The following SLC2A9 variants were observed in gnomAD, a reference collection of about 807,000 sequenced individuals.
The protein encoded by SLC2A9 is solute carrier family 2, facilitated glucose transporter member 9.
Under a neutral mutation model 50.6 loss-of-function variants are expected in SLC2A9, and 39 were observed. That is an observed-to-expected ratio of 0.77 (90% CI 0.60 to 1.01). SLC2A9 has a LOEUF of 1.01. Ranked by LOEUF, SLC2A9 falls within the 50% of genes least tolerant of loss-of-function variation. The pLI is 0.00. For missense variants in SLC2A9, 686 were observed against 677.6 expected, an observed-to-expected ratio of 1.01 and a Z score of -0.14; for synonymous variants, 324 against 276.9, an observed-to-expected ratio of 1.17 and a Z score of -1.69.
chr4:10,000,555 C>T (rs1759601022), intron 2 of SLC2A9, among the ~76,000 whole-genome samples: 1 of 152,182 alleles, frequency 6.6e-6, no homozygotes, highest in South Asian at 2.1e-4. Context: ...ATTTTGACCT[C>T]ATCCTAAGAC....
At position 9,879,197 on chromosome 4, in the gene SLC2A9, G is replaced by A. The variant is rs890668967; in HGVS notation, c.1291+8370C>T. The stretch of plus-strand genomic sequence containing the variant: ...GATACACTAGGAGTTAATCTAGGGG[G>A]CTGTGGGAGCCCAGAGGGGCGGGCT... On this transcript the variant is annotated intron_variant, in intron 10 of 11. Transcript: ENST00000264784. The A allele has an allele frequency of 1.4e-5, 14 of 985,204 alleles. No individual in the cohort carries two copies. In the Admixed American group the frequency reaches 7.4e-4, roughly 52 times the overall value. The allele number at this position is 985,204 out of a possible 1,614,324, so 61.0% of individuals were successfully genotyped here.
chr4:9,920,695 G>A (rs1743777750), intron 6 of SLC2A9, 123 bp from the exon 7 acceptor site: 1 of 1,140,036 alleles, frequency 8.8e-7, no homozygotes, highest in Admixed American at 1.9e-5. Context: ...GCGGAACTTG[G>A]CAGGGGCCTT....
chr4:9,925,999 G>A (rs1039885537), intron 6 of SLC2A9, among the ~76,000 whole-genome samples: 3 of 152,066 alleles, frequency 2.0e-5, no homozygotes, highest in Non-Finnish European at 2.9e-5. Context: ...GCCCACATAC[G>A]ACTGCAAGCA....
rs145116311 is a variant in SLC2A9, at chr4:9,964,304, T to C, written c.681+16288A>G. Among the ~76,000 whole-genome samples, 389 of 152,236 alleles carry C rather than the reference T, an allele frequency of 2.6e-3. 6 individuals are homozygous for C. Among genetic ancestry groups the C allele is most frequent in the African/African-American group, 9.1e-3 (380 of 41,542 alleles). On this transcript the variant is annotated intron_variant, in intron 5 of 11. Coordinates refer to ENST00000264784, the MANE Select transcript of SLC2A9 (RefSeq NM_020041.3). ...TCCCAGCTGGTGCCAGTTCTGCTGGTCCTGGGAACACGTTTTGAGAACTCT... is the reference window on the plus strand; with the variant it reads ...TCCCAGCTGGTGCCAGTTCTGCTGGCCCTGGGAACACGTTTTGAGAACTCT...
chr4:9,786,542 G>A (rs554243392), intron 3 of SLC2A9, among the ~76,000 whole-genome samples: 42 of 152,340 alleles, frequency 2.8e-4, no homozygotes, highest in African/African-American at 9.6e-4. Flanking sequence ...GCACAGCTTT[G>A]TGTTTGGAGG....
Position 9,920,507 on chromosome 4 carries a change from G to A in SLC2A9, c.880C>T (p.Arg294Cys), listed in dbSNP as rs529978493. 1.2e-5 allele frequency: 19 copies of A among 1,614,168 alleles called. No individual in the cohort carries two copies. Among genetic ancestry groups the A allele is most frequent in the Admixed American group, 1.7e-5 (1 of 60,030 alleles). The change falls in exon 7 of 12, where the codon CGC becomes TGC. Residue 294 changes from arginine (R) to cysteine (C), a missense_variant. By Grantham distance (180) the Arg-to-Cys change is radical. Transcript: ENST00000264784. ...ACCAGGCGGATGCTCCTCTGCACGCGGCTCTCAGCCAGGACCTCCTCTACC... is the reference window on the plus strand; with the variant it reads ...ACCAGGCGGATGCTCCTCTGCACGCAGCTCTCAGCCAGGACCTCCTCTACC... ...QEVEEVLAES[R>C]VQRSIRLVSV...
At chr4:9,880,778 C>T (rs1735067392) in intron 10 of SLC2A9, among the ~76,000 whole-genome samples, 1 of 152,166 alleles carries the variant, frequency 6.6e-6, no homozygotes, top group South Asian at 2.1e-4. Flanking sequence ...GCTTTCTTGC[C>T]CTCATGACCT....
chr4:9,843,400 A>G (rs1256297186), intron 10 of SLC2A9, among the ~76,000 whole-genome samples: 1 of 152,184 alleles, frequency 6.6e-6, no homozygotes, highest in Non-Finnish European at 1.5e-5. Context: ...ACTAGCATTA[A>G]GAACATGGGG....
chr4:10,023,654 C>T (rs1763657781), upstream of SLC2A9, among the ~76,000 whole-genome samples: 1 of 152,218 alleles, frequency 6.6e-6, no homozygotes, highest in South Asian at 2.1e-4. Context: ...GGTAGCTAAC[C>T]AGGGTTCCTG....
In SLC2A9 at chr4:9,965,797, A is replaced by C. The variant is rs78093985; in HGVS notation, c.681+14795T>G. Among the ~76,000 whole-genome samples the C allele has an allele frequency of 9.6e-3, 1,459 of 152,352 alleles. 28 individuals are homozygous for C. Among genetic ancestry groups the C allele is most frequent in the African/African-American group, 0.034 (1,402 of 41,582 alleles). Reference sequence around the variant, plus strand: ...AATTTATATAGTTGTATGCTAACAAATTTGAAAGTTTCGATGACATAAGTG... The same window carrying C: ...AATTTATATAGTTGTATGCTAACAACTTTGAAAGTTTCGATGACATAAGTG... On this transcript the variant is annotated intron_variant, in intron 5 of 11. Transcript: ENST00000264784.
chr4:9,809,309 T>C (rs1722541581), intron 3 of SLC2A9, among the ~76,000 whole-genome samples: 1 of 152,186 alleles, frequency 6.6e-6, no homozygotes, highest in South Asian at 2.1e-4. Context: ...CCAGCTGCGT[T>C]GGTTGCTTGG....
chr4:10,021,090 G>A (rs1284535148), intron 1 of SLC2A9, among the ~76,000 whole-genome samples, 190 bp downstream of exon 1: 2 of 152,334 alleles, frequency 1.3e-5, no homozygotes, highest in East Asian at 1.9e-4. Flanking sequence ...AGTCAGCTGG[G>A]GCTTGGAGAG....
chr4:9,829,806 CA>C, intron 11 of SLC2A9, among the ~76,000 whole-genome samples: 1 of 152,260 alleles, frequency 6.6e-6, no homozygotes, highest in Non-Finnish European at 1.5e-5. Flanking sequence ...ATCAAAACCA[CA>C]ATGAGATACC....
At chr4:9,959,014 C>T (rs949563127) in intron 5 of SLC2A9, among the ~76,000 whole-genome samples, 1 of 151,952 alleles carries the variant, frequency 6.6e-6, no homozygotes, top group Admixed American at 6.6e-5. Context: ...ATAGTCATAC[C>T]AATATAAATG....
intron 3 of SLC2A9, among the ~76,000 whole-genome samples, chr4:9,992,638 G>A (rs1416600014): frequency 1.3e-5 from 2 of 152,224 alleles, no homozygotes; most frequent in Non-Finnish European, 2.9e-5. Flanking sequence ...ACCTCCATGG[G>A]AGAGATTGCC....
At chr4:9,889,204 C>G (rs1450366897) in intron 9 of SLC2A9, among the ~76,000 whole-genome samples, 1 of 36,592 alleles carries the variant, frequency 2.7e-5, no homozygotes, top group East Asian at 3.5e-4. Context: ...ATGTCCAAGG[C>G]CTCCTGAGTC....
chr4:10,025,808 C>T (rs977335892), upstream of SLC2A9: 1 of 1,214,886 alleles, frequency 8.2e-7, no homozygotes, highest in Non-Finnish European at 1.2e-6. Context: ...CCCAGCTTCA[C>T]CTTAACAGCC....
downstream of SLC2A9, among the ~76,000 whole-genome samples, chr4:9,822,492 A>C (rs1488963459): frequency 1.3e-5 from 2 of 152,130 alleles, no homozygotes; most frequent in South Asian, 2.1e-4. Flanking sequence ...TTTTTCTACT[A>C]TTAATATGCC....
chr4:10,018,908 G>C lies in SLC2A9; in HGVS notation c.249+67C>G, dbSNP rs979287713. Reference sequence around the variant, plus strand: ...ACAGGAGGGGGCGCTGGAGCCCAGGGCCCTTGCGCACCCGAAGGTTTCCGC... The same window carrying C: ...ACAGGAGGGGGCGCTGGAGCCCAGGCCCCTTGCGCACCCGAAGGTTTCCGC... On this transcript the variant is annotated intron_variant, in intron 2 of 11. Transcript: ENST00000264784. The C allele has an allele frequency of 5.5e-6, 8 of 1,465,058 alleles. No individual in the cohort carries two copies. In the African/African-American group the frequency reaches 9.8e-5, roughly 18 times the overall value. 90.8% of individuals were successfully genotyped at this position (1,465,058 alleles called of 1,614,324 possible).
Sources: gnomAD v4.1 joint callset for allele counts (sites outside exome capture counted in the v4.1 genomes callset) on GRCh38, gnomAD v4.1.1 for gene constraint, MANE v1.5 for transcripts, NCBI Gene and HGNC (gene_info 2026-07-23, HGNC 2026-07-21) for gene names.